The following WDPCP variants were observed in gnomAD, a reference collection of about 807,000 sequenced individuals.
WDPCP encodes the protein WD repeat containing planar cell polarity effector.
Under a neutral mutation model 93.1 loss-of-function variants are expected in WDPCP, and 71 were observed. The observed-to-expected ratio is 0.76, with a 90% CI of 0.63 to 0.93. WDPCP has a LOEUF of 0.93. WDPCP is among the 40% of genes least tolerant of loss of function. The probability of loss-of-function intolerance (pLI) is 0.00; values close to 1 mark genes in which losing one functional copy is unlikely to be tolerated. For synonymous variants in WDPCP, 315 were observed against 315.0 expected (o/e 1.00, Z 0.00); for missense variants, 844 against 887.4 (o/e 0.95, Z 0.62).
chr2:63,251,979 A>G (rs4377326), intron 14 of WDPCP, among the ~76,000 whole-genome samples: 1 of 152,062 alleles, frequency 6.6e-6, no homozygotes, highest in Non-Finnish European at 1.5e-5. Context: ...CAAAGACACA[A>G]TGAAAAAAGA....
intron 14 of WDPCP, among the ~76,000 whole-genome samples, chr2:63,247,041 C>A (rs1389302177): frequency 1.3e-5 from 2 of 152,050 alleles, no homozygotes; most frequent in Non-Finnish European, 2.9e-5. Context: ...TTTATAAAAC[C>A]AAAAAGAAAT....
intron 17 of WDPCP, 44 bp downstream of exon 17, chr2:63,152,865 TTTCTC>T (rs1472744609): frequency 4.7e-5 from 74 of 1,565,204 alleles, no homozygotes; most frequent in Non-Finnish European, 5.8e-5. Flanking sequence ...ACATTATGCT[TTTCTC>T]TTAGAATTTA....
intron 2 of WDPCP, among the ~76,000 whole-genome samples, chr2:63,688,455 C>T (rs1483051494): frequency 6.6e-6 from 1 of 151,046 alleles, no homozygotes; most frequent in Non-Finnish European, 1.5e-5. Context: ...AACGATTGAA[C>T]TCATGGAGAT....
intron 17 of WDPCP, among the ~76,000 whole-genome samples, chr2:63,130,185 G>A (rs550455473): frequency 2.0e-5 from 3 of 152,084 alleles, no homozygotes; most frequent in South Asian, 2.1e-4. Context: ...CTGTGAAATC[G>A]TTGCCAAATT....
At chr2:63,779,664 G>A (rs1220533387) in intron 2 of WDPCP, among the ~76,000 whole-genome samples, 1 of 152,126 alleles carries the variant, frequency 6.6e-6, no homozygotes, top group Non-Finnish European at 1.5e-5. Flanking sequence ...AGAGAAGAGG[G>A]CTTGATGTTG....
At chr2:63,450,371 C>G (rs896250214) in intron 6 of WDPCP, among the ~76,000 whole-genome samples, 1 of 152,170 alleles carries the variant, frequency 6.6e-6, no homozygotes, top group East Asian at 1.9e-4. Flanking sequence ...ACTGCAGCCA[C>G]AGCCAACACC....
intron 1 of WDPCP, among the ~76,000 whole-genome samples, chr2:63,511,413 G>C (rs1702225219): frequency 6.6e-6 from 1 of 151,930 alleles, no homozygotes; most frequent in African/African-American, 2.4e-5. Context: ...ATTTCATATG[G>C]AACCAAAAAA....
intron 2 of WDPCP, among the ~76,000 whole-genome samples, chr2:63,658,435 C>T (rs984222615): frequency 6.6e-6 from 1 of 152,072 alleles, no homozygotes; most frequent in Non-Finnish European, 1.5e-5. Context: ...GGTAATCAGA[C>T]CTATGTACCA....
At position 63,680,351 on chromosome 2, in the gene WDPCP, G is replaced by A. The variant is rs535173002; in HGVS notation, n.309-29513C>T. Among the ~76,000 whole-genome samples, 7 of 152,298 alleles carry A rather than the reference G, an allele frequency of 4.6e-5. No homozygotes were observed. The East Asian group carries it at 5.8e-4, about 13-fold the overall frequency. On this transcript the variant is annotated intron_variant and non_coding_transcript_variant, in intron 2 of 4. Transcript: ENST00000467687. ...GCCACCCCCTCCCCCATTCAGCAGC[G>A]GCTGCACAGCATGGAGAATCTGTGT...
At chr2:63,196,360 C>T (rs7605319) in intron 14 of WDPCP, among the ~76,000 whole-genome samples, 21,926 of 152,224 alleles carry the variant, frequency 0.14, 1,972 homozygotes, top group Middle Eastern at 0.21. Flanking sequence ...ATTCATGAAG[C>T]TGTCACTGAA....
Position 63,157,285 on chromosome 2 carries a change from G to T in WDPCP, c.2079-3711C>A, listed in dbSNP as rs573908379. Among the ~76,000 whole-genome samples, 3 of 151,756 alleles carry T rather than the reference G, an allele frequency of 2.0e-5. No individual in the cohort carries two copies. The South Asian group carries it at 6.2e-4, about 32-fold the overall frequency. On this transcript the variant is annotated intron_variant, in intron 15 of 17. Transcript: ENST00000272321. ...TTGTTGAGGATTTTTACTTCTATAT[G>T]TATGAGAGACAGTAGTCTATAGTTT...
chr2:63,238,510 G>A (rs1019458051), intron 14 of WDPCP, among the ~76,000 whole-genome samples: 8 of 152,100 alleles, frequency 5.3e-5, no homozygotes, highest in Non-Finnish European at 7.4e-5. Context: ...TATGAAATAT[G>A]AATATAGATC....
In WDPCP at chr2:63,825,402, T is replaced by C. The variant is rs377559353; in HGVS notation, n.222+2220A>G. On this transcript the variant is annotated intron_variant and non_coding_transcript_variant, in intron 1 of 4. Transcript: ENST00000467687. ...TTTTGTTGTTGCTATTGTTCAAGGA[T>C]TGGGAGTCCTATTCAAGCTTCATAG... Among the ~76,000 whole-genome samples the C allele has an allele frequency of 3.3e-5, 5 of 152,174 alleles. No homozygotes were observed. The South Asian group carries it at 8.3e-4, about 25-fold the overall frequency.
At chr2:63,164,340 C>T (rs991459282) in intron 15 of WDPCP, among the ~76,000 whole-genome samples, 1 of 152,108 alleles carries the variant, frequency 6.6e-6, no homozygotes, top group African/African-American at 2.4e-5. Context: ...AGTTGGAGGT[C>T]GGACCTGGTG....
intron 1 of WDPCP, among the ~76,000 whole-genome samples, chr2:63,559,060 A>G (rs1706369253): frequency 6.6e-6 from 1 of 152,234 alleles, no homozygotes; most frequent in African/African-American, 2.4e-5. Context: ...CGAATCCAGC[A>G]GCACATCAAA....
intron 1 of WDPCP, among the ~76,000 whole-genome samples, chr2:63,517,568 A>C (rs1488033923): frequency 6.6e-6 from 1 of 152,184 alleles, no homozygotes; most frequent in East Asian, 1.9e-4. Context: ...AATATATAAA[A>C]CTTGTACAAG....
chr2:63,558,218 C>T (rs974842852), intron 1 of WDPCP, among the ~76,000 whole-genome samples: 7 of 151,546 alleles, frequency 4.6e-5, no homozygotes, highest in East Asian at 1.9e-4. Context: ...ACAAAATAGA[C>T]GGCTAGCTAA....
At chr2:63,778,352 C>A (rs141460082) in intron 2 of WDPCP, among the ~76,000 whole-genome samples, 2 of 152,058 alleles carry the variant, frequency 1.3e-5, no homozygotes, top group South Asian at 2.1e-4. Flanking sequence ...GGATTACAGG[C>A]GCCTGCCACT....
At chr2:63,432,141 G>C (rs530407881) in intron 9 of WDPCP, among the ~76,000 whole-genome samples, 1 of 152,200 alleles carries the variant, frequency 6.6e-6, no homozygotes, top group Admixed American at 6.5e-5. Flanking sequence ...ACAGAGAGGA[G>C]AAAAGGAAAA....
Sources: allele counts gnomAD v4.1 joint callset (sites outside exome capture counted in the v4.1 genomes callset), GRCh38; gene constraint gnomAD v4.1.1; transcripts MANE v1.5; gene names NCBI Gene and HGNC (gene_info 2026-07-23, HGNC 2026-07-21).